Variants in PLEKHA5 observed in about 807,000 individuals in gnomAD.
PLEKHA5 encodes pleckstrin homology domain-containing family A member 5.
Under a neutral mutation model 181.9 loss-of-function variants are expected in PLEKHA5, and 55 were observed. That is an observed-to-expected ratio of 0.30 (90% CI 0.24 to 0.38). The LOEUF (loss-of-function observed/expected upper bound fraction) is 0.38, where lower values mean the gene tolerates loss of function less well. Among genes scored for constraint, PLEKHA5 ranks in the 10% least tolerant of loss-of-function variants. PLEKHA5 has a pLI of 1.00. For missense variants in PLEKHA5, 1,432 were observed against 1,549.5 expected (o/e 0.92, Z 1.27); for synonymous variants, 535 against 529.4 (o/e 1.01, Z -0.15).
chr12:19,193,981 G>A (rs1478032707), intron 3 of PLEKHA5, among the ~76,000 whole-genome samples: 1 of 150,698 alleles, frequency 6.6e-6, no homozygotes, highest in Non-Finnish European at 1.5e-5. Flanking sequence ...AACTCACTCA[G>A]TATTGCTACT....
In PLEKHA5 at chr12:19,300,578, A is replaced by G. The variant is rs16915352; in HGVS notation, c.2037+8881A>G. On this transcript the variant is annotated intron_variant, in intron 15 of 31. Transcript: ENST00000429027. ...CATTCTGCAAAGATTTATGGAACTC[A>G]GGATGCAAAGATAAGCCATGATGCT... 5.6e-3 allele frequency among the ~76,000 whole-genome samples: 852 copies of G among 152,322 alleles called. 31 individuals carry two copies. The East Asian group carries it at 0.098, about 17-fold the overall frequency.
chr12:19,352,500 A>G (rs1362443448), intron 25 of PLEKHA5, among the ~76,000 whole-genome samples: 2 of 152,006 alleles, frequency 1.3e-5, no homozygotes, highest in African/African-American at 2.4e-5. Flanking sequence ...TTTAAAGCCA[A>G]GCAGAAATTA....
intron 3 of PLEKHA5, among the ~76,000 whole-genome samples, chr12:19,218,276 G>C (rs916286608): frequency 6.6e-6 from 1 of 152,108 alleles, no homozygotes; most frequent in Non-Finnish European, 1.5e-5. Flanking sequence ...CAGGTTACCA[G>C]TAATGTTTGC....
rs369431082 is a variant in PLEKHA5, at chr12:19,286,925, C to T, written c.1780-548C>T. 4.7e-5 allele frequency among the ~76,000 whole-genome samples: 7 copies of T among 147,714 alleles called. No homozygotes were observed. The East Asian group carries it at 1.2e-3, about 26-fold the overall frequency. ...AGGTTGCAGTGAGCTGAGATCTTGCCATACACTCCAGGCTGGGCAACAGAG... is the reference window on the plus strand; with the variant it reads ...AGGTTGCAGTGAGCTGAGATCTTGCTATACACTCCAGGCTGGGCAACAGAG... On this transcript the variant is annotated intron_variant, in intron 12 of 31. Coordinates refer to ENST00000429027, the MANE Select transcript of PLEKHA5 (RefSeq NM_001256470.2).
At chr12:19,270,098 CT>C in intron 9 of PLEKHA5, 89 bp from the exon 10 acceptor site, 1 of 793,674 alleles carries the variant, frequency 1.3e-6, no homozygotes, top group African/African-American at 1.8e-5. Context: ...CACTTTTCTT[CT>C]TTTTCTTCTT....
intron 3 of PLEKHA5, among the ~76,000 whole-genome samples, chr12:19,247,935 A>AAAG (rs1555125217): frequency 1.3e-5 from 2 of 150,294 alleles, no homozygotes; most frequent in African/African-American, 4.9e-5. Context: ...TTAAAAAAAA[A>AAAG]AGAGAGAGAG....
At chr12:19,266,272 A>C (rs1239620668) in intron 8 of PLEKHA5, among the ~76,000 whole-genome samples, 3 of 151,132 alleles carry the variant, frequency 2.0e-5, no homozygotes, top group African/African-American at 7.3e-5. Context: ...CCAGGAGTTG[A>C]GCCTGGGGAA....
intron 20 of PLEKHA5, among the ~76,000 whole-genome samples, chr12:19,334,835 T>A (rs374090501): frequency 0.6 from 13,092 of 21,854 alleles, 3,971 homozygotes; most frequent in Non-Finnish European, 0.69. Context: ...AAAAAATATA[T>A]ATATATATAT....
At chr12:19,227,447 A>G (rs1565489660) in intron 3 of PLEKHA5, among the ~76,000 whole-genome samples, 2 of 152,312 alleles carry the variant, frequency 1.3e-5, no homozygotes, top group East Asian at 3.9e-4. Context: ...AGAGTAGTTT[A>G]TTCTTTCAAG....
At chr12:19,345,176 G>C (rs2094228586) in intron 22 of PLEKHA5, among the ~76,000 whole-genome samples, 1 of 151,956 alleles carries the variant, frequency 6.6e-6, no homozygotes. Flanking sequence ...AAGGCGGGCA[G>C]ATCACCTGAG....
At chr12:19,306,585 GC>G (rs1000125773) in intron 15 of PLEKHA5, 2 of 816,382 alleles carry the variant, frequency 2.4e-6, no homozygotes, top group African/African-American at 3.4e-5. Context: ...GCGGATCCGG[GC>G]CCTAGCGGCG....
intron 8 of PLEKHA5, among the ~76,000 whole-genome samples, chr12:19,268,509 G>GT (rs2071358969): frequency 6.6e-6 from 1 of 152,132 alleles, no homozygotes; most frequent in Non-Finnish European, 1.5e-5. Flanking sequence ...CTGTGATGTT[G>GT]TTTCCTCTGA....
chr12:19,221,350 A>C (rs2152303971), intron 3 of PLEKHA5, among the ~76,000 whole-genome samples: 1 of 152,106 alleles, frequency 6.6e-6, no homozygotes, highest in African/African-American at 2.4e-5. Context: ...AAATGACATA[A>C]ATGGGTCTTA....
At chr12:19,137,861 TG>T (rs1389365684) in intron 3 of PLEKHA5, among the ~76,000 whole-genome samples, 1 of 152,184 alleles carries the variant, frequency 6.6e-6, no homozygotes, top group Non-Finnish European at 1.5e-5. Context: ...GTGATGATGA[TG>T]ATGCTGGCTC....
chr12:19,219,607 A>T (rs372601115), intron 3 of PLEKHA5, among the ~76,000 whole-genome samples: 2 of 151,182 alleles, frequency 1.3e-5, no homozygotes, highest in Non-Finnish European at 1.5e-5. Flanking sequence ...GTTACCTGTT[A>T]TTATTTTAAA....
intron 3 of PLEKHA5, among the ~76,000 whole-genome samples, chr12:19,193,925 G>A (rs1205453323): frequency 2.0e-5 from 3 of 152,066 alleles, no homozygotes; most frequent in African/African-American, 7.2e-5. Flanking sequence ...AGAAAGAATG[G>A]TAGGGAGAGA....
At chr12:19,163,459 C>T (rs1466043536) in intron 3 of PLEKHA5, among the ~76,000 whole-genome samples, 1 of 151,994 alleles carries the variant, frequency 6.6e-6, no homozygotes, top group Admixed American at 6.6e-5. Context: ...TTATGGGTGG[C>T]TCACACCCAC....
intron 3 of PLEKHA5, among the ~76,000 whole-genome samples, chr12:19,244,868 T>C (rs913943306): frequency 1.3e-5 from 2 of 152,212 alleles, no homozygotes; most frequent in African/African-American, 4.8e-5. Context: ...ATTGGCAATA[T>C]GTTAATAGCA....
chr12:19,217,082 A>G (rs147729681), intron 3 of PLEKHA5, among the ~76,000 whole-genome samples: 1 of 152,338 alleles, frequency 6.6e-6, no homozygotes, highest in East Asian at 1.9e-4. Context: ...TGACCTTCAG[A>G]ATGGCAACGC....
Sources: allele counts gnomAD v4.1 joint callset (sites outside exome capture counted in the v4.1 genomes callset), GRCh38; gene constraint gnomAD v4.1.1; transcripts MANE v1.5; gene names NCBI Gene and HGNC (gene_info 2026-07-23, HGNC 2026-07-21).